Variants in MGAT4C observed in about 807,000 individuals in gnomAD.
MGAT4C encodes MGAT4 family member C.
MGAT4C carries 19 observed loss-of-function variants against 40.1 expected under a neutral mutation model. That is an observed-to-expected ratio of 0.47 (90% CI 0.33 to 0.70). The LOEUF (loss-of-function observed/expected upper bound fraction) is 0.70. Ranked by LOEUF, MGAT4C falls within the 30% of genes least tolerant of loss-of-function variation. The pLI, the probability that MGAT4C is intolerant of heterozygous loss-of-function variation, is 0.02. For synonymous variants in MGAT4C, 181 were observed against 187.1 expected, an observed-to-expected ratio of 0.97 and a Z score of 0.27; for missense variants, 491 against 563.2, an observed-to-expected ratio of 0.87 and a Z score of 1.30.
intron 2 of MGAT4C, among the ~76,000 whole-genome samples, chr12:86,625,537 C>T (rs971505144): frequency 6.6e-6 from 1 of 151,928 alleles, no homozygotes; most frequent in East Asian, 1.9e-4. Flanking sequence ...AATCAGCAAA[C>T]CCTAAGATAG....
chr12:86,809,969 C>T (rs755512525), intron 1 of MGAT4C, among the ~76,000 whole-genome samples: 1 of 151,908 alleles, frequency 6.6e-6, no homozygotes, highest in Non-Finnish European at 1.5e-5. Context: ...AAATGGCATC[C>T]GTACTATATT....
At chr12:86,592,746 A>G (rs1428518899) in intron 2 of MGAT4C, among the ~76,000 whole-genome samples, 1 of 152,078 alleles carries the variant, frequency 6.6e-6, no homozygotes, top group African/African-American at 2.4e-5. Context: ...AGTTTAACTA[A>G]TCTCTCCATG....
At chr12:86,272,782 G>T (rs1404303342) in intron 4 of MGAT4C, among the ~76,000 whole-genome samples, 2 of 152,106 alleles carry the variant, frequency 1.3e-5, no homozygotes, top group South Asian at 4.1e-4. Context: ...GAGCCTGGGA[G>T]GTCGAAGCTA....
intron 3 of MGAT4C, among the ~76,000 whole-genome samples, chr12:86,433,586 C>G (rs377342492): frequency 6.6e-6 from 1 of 151,808 alleles, no homozygotes; most frequent in African/African-American, 2.4e-5. Context: ...CTCAGCTCCC[C>G]TTTAAACTAG....
chr12:86,501,167 C>G (rs1958333365), intron 2 of MGAT4C, among the ~76,000 whole-genome samples: 1 of 151,632 alleles, frequency 6.6e-6, no homozygotes, highest in Non-Finnish European at 1.5e-5. Context: ...CTCTACATTA[C>G]CCTATACACA....
chr12:86,009,902 C>T (rs907274514), intron 2 of MGAT4C, among the ~76,000 whole-genome samples: 4 of 152,108 alleles, frequency 2.6e-5, no homozygotes, highest in Non-Finnish European at 5.9e-5. Flanking sequence ...GGTTGTGTAG[C>T]TTAGAGGCTT....
rs569679670 is a variant in MGAT4C at position 86,353,032 on chromosome 12, A to AAAAT, written c.-119-18909_-119-18906dup. On this transcript the variant is annotated intron_variant, in intron 3 of 7. Coordinates refer to the MGAT4C transcript ENST00000548651. Reference sequence around the variant, plus strand: ...TAAAGTATAATAATAATAAAATAAAAAAATAAATAAATAAATAAATAAAAT... The same window carrying AAAAT: ...TAAAGTATAATAATAATAAAATAAAAAAATAAATAAATAAATAAATAAATAAAAT... Among the ~76,000 whole-genome samples the AAAAT allele has an allele frequency of 6.3e-3, 931 of 147,368 alleles. 6 individuals are homozygous for AAAAT. The highest frequency in any genetic ancestry group is 0.022 in the African/African-American group (889 of 40,858).
chr12:85,999,845 G>T (rs1887100414), intron 2 of MGAT4C, among the ~76,000 whole-genome samples: 1 of 152,074 alleles, frequency 6.6e-6, no homozygotes, highest in Admixed American at 6.6e-5. Flanking sequence ...GCAGAGAGTA[G>T]AATAGTGATT....
intron 1 of MGAT4C, among the ~76,000 whole-genome samples, chr12:86,199,706 A>G (rs888286002): frequency 6.6e-6 from 1 of 152,166 alleles, no homozygotes; most frequent in Non-Finnish European, 1.5e-5. Flanking sequence ...AATGAATGTA[A>G]AATGCTTAGT....
At position 86,038,143 on chromosome 12, in the gene MGAT4C, G is replaced by A. The variant is rs370440971; in HGVS notation, c.-7+11531C>T. ...GAATGTGGGGGTCGAAAGGGCAAGTGCATGATCTACAGGTGTGATGGTTTA... is the reference window on the plus strand; with the variant it reads ...GAATGTGGGGGTCGAAAGGGCAAGTACATGATCTACAGGTGTGATGGTTTA... On this transcript the variant is annotated intron_variant, in intron 2 of 4. Transcript: ENST00000611864. Among the ~76,000 whole-genome samples the A allele has an allele frequency of 4.7e-5, 7 of 149,770 alleles. No individual in the cohort carries two copies. The South Asian group carries it at 1.3e-3, about 27-fold the overall frequency.
intron 1 of MGAT4C, among the ~76,000 whole-genome samples, chr12:86,800,501 T>C (rs1038079912): frequency 6.6e-6 from 1 of 151,816 alleles, no homozygotes; most frequent in Non-Finnish European, 1.5e-5. Context: ...CTCTGGTAGA[T>C]ATAGGAAAAG....
intron 1 of MGAT4C, among the ~76,000 whole-genome samples, chr12:86,778,998 C>T (rs1171688522): frequency 1.4e-5 from 2 of 138,654 alleles, no homozygotes; most frequent in African/African-American, 5.4e-5. Flanking sequence ...ACATATTATA[C>T]ATACAATTTC....
At chr12:86,623,926 C>T (rs1962718693) in intron 2 of MGAT4C, among the ~76,000 whole-genome samples, 1 of 152,104 alleles carries the variant, frequency 6.6e-6, no homozygotes, top group Admixed American at 6.6e-5. Context: ...TACAAGCAAC[C>T]TAGCAGAAAA....
Position 85,955,676 on chromosome 12 carries a change from G to T in MGAT4C, c.*23613C>A, listed in dbSNP as rs1882756749. The T allele has an allele frequency of 6.6e-6, 1 of 151,720 alleles. No individual in the cohort carries two copies. The highest frequency in any genetic ancestry group is 1.5e-5 in the Non-Finnish European group (1 of 67,922). The allele number at this position is 151,720 out of a possible 1,614,324, so 9.4% of individuals were successfully genotyped here. The stretch of plus-strand genomic sequence containing the variant: ...AAGATGAAAGCAAATATTTATAAAA[G>T]AAACCACAATGTATTTATGCTGTTT... On this transcript the variant is annotated 3_prime_UTR_variant, in exon 5 of 5. Transcript: ENST00000611864.
Position 86,546,503 on chromosome 12 carries a change from T to C in MGAT4C, c.-228-111238A>G, listed in dbSNP as rs78027413. ...GATTACTGAGGATAAAATGAAACCATATGTCTCCAAACATCTTTAAATTCA... is the reference window on the plus strand; with the variant it reads ...GATTACTGAGGATAAAATGAAACCACATGTCTCCAAACATCTTTAAATTCA... On this transcript the variant is annotated intron_variant, in intron 2 of 7. Coordinates refer to the MGAT4C transcript ENST00000548651. 8.7e-3 allele frequency among the ~76,000 whole-genome samples: 1,320 copies of C among 152,042 alleles called. 16 individuals carry two copies. Among genetic ancestry groups the C allele is most frequent in the Non-Finnish European group, 0.015 (1,018 of 67,860 alleles).
rs1324676763 is a variant in MGAT4C at position 85,971,770 on chromosome 12, A to C, written c.*7519T>G. ...AGAACTTGCTTGAGGCAAAATCATGAAGTACAACTTTTCCTCTGCATCCTT... is the reference window on the plus strand; with the variant it reads ...AGAACTTGCTTGAGGCAAAATCATGCAGTACAACTTTTCCTCTGCATCCTT... On this transcript the variant is annotated 3_prime_UTR_variant, in exon 5 of 5. Coordinates refer to ENST00000611864, the MANE Select transcript of MGAT4C (RefSeq NM_001351288.2). The C allele has an allele frequency of 1.3e-5, 2 of 151,188 alleles. No homozygotes were observed. The highest frequency in any genetic ancestry group is 1.3e-4 in the Admixed American group (2 of 15,140). The allele number at this position is 151,188 out of a possible 1,614,324, so 9.4% of individuals were successfully genotyped here.
chr12:86,464,007 A>T (rs1957640655), intron 2 of MGAT4C, among the ~76,000 whole-genome samples: 1 of 152,212 alleles, frequency 6.6e-6, no homozygotes, highest in South Asian at 2.1e-4. Context: ...TTAAGAAAGC[A>T]GCACCACAGA....
At chr12:86,260,220 C>T (rs1237889806), upstream of MGAT4C, among the ~76,000 whole-genome samples, 1 of 152,068 alleles carries the variant, frequency 6.6e-6, no homozygotes, top group African/African-American at 2.4e-5. Flanking sequence ...AAAAGAGAAA[C>T]ATGCCCTTGT....
chr12:86,384,025 C>T (rs1327889003), intron 3 of MGAT4C, among the ~76,000 whole-genome samples: 1 of 152,132 alleles, frequency 6.6e-6, no homozygotes, highest in African/African-American at 2.4e-5. Context: ...GTGAATAAGT[C>T]TCATGAGATC....
Sources: gnomAD v4.1 joint callset for allele counts (sites outside exome capture counted in the v4.1 genomes callset) on GRCh38, gnomAD v4.1.1 for gene constraint, MANE v1.5 for transcripts, NCBI Gene and HGNC (gene_info 2026-07-23, HGNC 2026-07-21) for gene names.